The following MKLN1 variants were observed in gnomAD, a reference collection of about 807,000 sequenced individuals.
MKLN1 encodes the protein muskelin.
A neutral mutation model predicts 99.0 loss-of-function variants in MKLN1; 18 were observed. The ratio of observed to expected loss-of-function variants is 0.18; its 90% CI spans 0.13 to 0.27. The LOEUF (loss-of-function observed/expected upper bound fraction) is 0.27, where lower values mean the gene tolerates loss of function less well. Ranked by LOEUF, MKLN1 falls within the 10% of genes least tolerant of loss-of-function variation. The probability of loss-of-function intolerance (pLI) is 1.00; values close to 1 mark genes in which losing one functional copy is unlikely to be tolerated. For missense variants in MKLN1, 621 were observed against 875.9 expected, an observed-to-expected ratio of 0.71 and a Z score of 3.67; for synonymous variants, 288 against 293.2, an observed-to-expected ratio of 0.98 and a Z score of 0.18.
At chr7:131,465,327 C>T (rs1796627165) in intron 14 of MKLN1, among the ~76,000 whole-genome samples, 1 of 152,078 alleles carries the variant, frequency 6.6e-6, no homozygotes, top group Non-Finnish European at 1.5e-5. Flanking sequence ...TCACTTCTAC[C>T]ACTTACGAAA....
At chr7:131,427,172 T>C (rs1795382268) in intron 8 of MKLN1, among the ~76,000 whole-genome samples, 2 of 152,194 alleles carry the variant, frequency 1.3e-5, no homozygotes, top group Non-Finnish European at 2.9e-5. Context: ...AGTGAAGCAT[T>C]TTTTTATTTC....
At chr7:131,345,836 A>G (rs1041926935) in intron 1 of MKLN1, among the ~76,000 whole-genome samples, 3 of 152,242 alleles carry the variant, frequency 2.0e-5, no homozygotes, top group Admixed American at 2.0e-4. Flanking sequence ...TGAGAATCGT[A>G]TCTAATACCT....
intron 3 of MKLN1, among the ~76,000 whole-genome samples, chr7:131,322,609 G>T (rs1798803034): frequency 7.2e-6 from 1 of 138,816 alleles, no homozygotes; most frequent in Non-Finnish European, 1.5e-5. Flanking sequence ...TGTCGCCCAG[G>T]CCGGACTGCG....
At chr7:131,120,408 G>T (rs1239736481) in intron 1 of MKLN1, among the ~76,000 whole-genome samples, 1 of 146,086 alleles carries the variant, frequency 6.8e-6, no homozygotes, top group Non-Finnish European at 1.5e-5. Context: ...AACTAGCCAG[G>T]TGTGGCGGTG....
intron 3 of MKLN1, among the ~76,000 whole-genome samples, chr7:131,274,899 G>A (rs1329510464): frequency 6.6e-6 from 1 of 152,162 alleles, no homozygotes; most frequent in East Asian, 1.9e-4. Flanking sequence ...CTTTCTTAGT[G>A]CTGAGACACA....
At chr7:131,415,166 CTTTT>C (rs963428569) in intron 8 of MKLN1, among the ~76,000 whole-genome samples, 1 of 150,010 alleles carries the variant, frequency 6.7e-6, no homozygotes, top group Admixed American at 6.6e-5. Context: ...TGGTAGCAAA[CTTTT>C]TTTTAAGTTT....
intron 17 of MKLN1, among the ~76,000 whole-genome samples, chr7:131,479,218 C>G (rs76865044): frequency 0.045 from 6,883 of 152,170 alleles, 239 homozygotes; most frequent in East Asian, 0.19. Flanking sequence ...TAGTAATACT[C>G]TCTTTTAGTA....
intron 1 of MKLN1, among the ~76,000 whole-genome samples, chr7:131,365,865 C>CAAGA (rs1800166257): frequency 6.6e-6 from 1 of 152,052 alleles, no homozygotes; most frequent in Non-Finnish European, 1.5e-5. Context: ...GATAACCATT[C>CAAGA]TTGTTCTGAT....
intron 3 of MKLN1, among the ~76,000 whole-genome samples, chr7:131,287,658 C>T (rs776007621): frequency 1.9e-4 from 29 of 151,234 alleles, no homozygotes; most frequent in South Asian, 4.2e-4. Context: ...GTTTTGTTGG[C>T]GGGGGAGGGG....
chr7:131,125,366 T>C (rs1243431300), intron 1 of MKLN1, among the ~76,000 whole-genome samples: 1 of 152,182 alleles, frequency 6.6e-6, no homozygotes, highest in East Asian at 1.9e-4. Flanking sequence ...TTAAAATAAG[T>C]GACCAGGGCA....
At chr7:131,381,026 T>C (rs1793831698) in intron 2 of MKLN1, among the ~76,000 whole-genome samples, 1 of 152,248 alleles carries the variant, frequency 6.6e-6, no homozygotes, top group South Asian at 2.1e-4. Context: ...TCTTGTCTTA[T>C]GTATGTTTCT....
chr7:131,144,323 A>T (rs1247590087), intron 2 of MKLN1, among the ~76,000 whole-genome samples: 1 of 151,566 alleles, frequency 6.6e-6, no homozygotes, highest in East Asian at 2.0e-4. Flanking sequence ...CTAAAAAAAA[A>T]TACAAAAAAT....
intron 7 of MKLN1, among the ~76,000 whole-genome samples, chr7:131,413,587 C>T (rs950455215): frequency 1.1e-4 from 16 of 152,038 alleles, no homozygotes; most frequent in African/African-American, 3.6e-4. Context: ...GTTGCCCAGC[C>T]GGAGTGCAGT....
At chr7:131,229,488 A>G (rs1797209138) in intron 3 of MKLN1, among the ~76,000 whole-genome samples, 1 of 152,142 alleles carries the variant, frequency 6.6e-6, no homozygotes, top group Non-Finnish European at 1.5e-5. Flanking sequence ...GAAGCCTCCT[A>G]TATCACAGCC....
intron 6 of MKLN1, among the ~76,000 whole-genome samples, chr7:131,408,376 T>G (rs1389538460): frequency 6.6e-6 from 1 of 152,224 alleles, no homozygotes; most frequent in Non-Finnish European, 1.5e-5. Context: ...GATTTTATGC[T>G]CTATAAGTTA....
At chr7:131,173,271 G>A (rs1190836129) in intron 2 of MKLN1, among the ~76,000 whole-genome samples, 1 of 151,994 alleles carries the variant, frequency 6.6e-6, no homozygotes, top group East Asian at 1.9e-4. Flanking sequence ...TCTAATAAGG[G>A]AAAAACACTA....
At chr7:131,417,261 A>G (rs1047198204) in intron 8 of MKLN1, among the ~76,000 whole-genome samples, 2 of 152,220 alleles carry the variant, frequency 1.3e-5, no homozygotes, top group African/African-American at 4.8e-5. Flanking sequence ...ATACACTTTT[A>G]AGCAAATATT....
At position 131,493,283 on chromosome 7, in the gene MKLN1, A is replaced by G. The variant is rs1273248662; in HGVS notation, c.*5555A>G. 6.6e-6 allele frequency: 1 copy of G among 152,198 alleles called. No homozygotes were observed. The highest frequency in any genetic ancestry group is 2.4e-5 in the African/African-American group (1 of 41,464). 9.4% of individuals were successfully genotyped at this position (152,198 alleles called of 1,614,324 possible). On this transcript the variant is annotated 3_prime_UTR_variant, in exon 18 of 18. Coordinates refer to ENST00000352689, the MANE Select transcript of MKLN1 (RefSeq NM_013255.5). ...GTGCAAAGTCCTATTTTGCTTATCT[A>G]AGGCATTTTGACTTGGAAGTATTAA...
chr7:131,124,245 T>C (rs916331227), intron 1 of MKLN1, among the ~76,000 whole-genome samples: 2 of 152,320 alleles, frequency 1.3e-5, no homozygotes, highest in African/African-American at 2.4e-5. Context: ...AGGTAACTTA[T>C]TCAAAAGAAG....
Sources: gnomAD v4.1 joint callset for allele counts (sites outside exome capture counted in the v4.1 genomes callset) on GRCh38, gnomAD v4.1.1 for gene constraint, MANE v1.5 for transcripts, NCBI Gene and HGNC (gene_info 2026-07-23, HGNC 2026-07-21) for gene names.